PAFAH1B1: variants seen among roughly 807,000 people sequenced by gnomAD.
The protein encoded by PAFAH1B1 is platelet-activating factor acetylhydrolase IB subunit beta.
A neutral mutation model predicts 57.5 loss-of-function variants in PAFAH1B1; 2 were observed. That is an observed-to-expected ratio of 0.03 (90% CI 0.01 to 0.11). PAFAH1B1 has a LOEUF of 0.11. PAFAH1B1 is among the 10% of genes least tolerant of loss of function. The probability of loss-of-function intolerance (pLI) is 1.00; values close to 1 mark genes in which losing one functional copy is unlikely to be tolerated. For synonymous variants in PAFAH1B1, 152 were observed against 169.6 expected (o/e 0.90, Z 0.81); for missense variants, 257 against 512.0 (o/e 0.50, Z 4.81).
chr17:2,655,584 A>G (rs1159700928), intron 2 of PAFAH1B1, among the ~76,000 whole-genome samples: 1 of 152,204 alleles, frequency 6.6e-6, no homozygotes, highest in African/African-American at 2.4e-5. Flanking sequence ...CAGAGGTTGC[A>G]ATAAGCTGAG....
intron 1 of PAFAH1B1, among the ~76,000 whole-genome samples, chr17:2,602,956 T>C (rs1025737899): frequency 3.3e-5 from 5 of 152,190 alleles, no homozygotes; most frequent in African/African-American, 1.2e-4. Context: ...TTTCCTATAG[T>C]CCACATACTT....
chr17:2,668,569 C>T (rs1306966960), intron 5 of PAFAH1B1, among the ~76,000 whole-genome samples: 2 of 151,896 alleles, frequency 1.3e-5, no homozygotes, highest in East Asian at 1.9e-4. Flanking sequence ...GTCCTAGCTA[C>T]TCAGGAGGCT....
chr17:2,664,407 CTT>C (rs529716131), intron 2 of PAFAH1B1, among the ~76,000 whole-genome samples: 13 of 135,954 alleles, frequency 9.6e-5, no homozygotes, highest in Non-Finnish European at 9.6e-5. Context: ...CACACCTGGC[CTT>C]TTTTTTTTTT....
At chr17:2,597,329 A>G (rs1362707555) in intron 1 of PAFAH1B1, among the ~76,000 whole-genome samples, 1 of 151,688 alleles carries the variant, frequency 6.6e-6, no homozygotes, top group Non-Finnish European at 1.5e-5. Context: ...TCTAGTGTAA[A>G]GAGATTTTGA....
intron 2 of PAFAH1B1, among the ~76,000 whole-genome samples, chr17:2,652,736 G>GT (rs1416903109): frequency 2.0e-5 from 3 of 152,170 alleles, no homozygotes; most frequent in Admixed American, 6.6e-5. Context: ...CTAGGGCTTA[G>GT]TTTAAGATTG....
rs780652892 is a variant in PAFAH1B1, at chr17:2,609,069, C to CT, written c.-191+15064dup. 2.0e-5 allele frequency among the ~76,000 whole-genome samples: 3 copies of CT among 152,312 alleles called. No individual in the cohort carries two copies. The East Asian group carries it at 5.8e-4, about 29-fold the overall frequency. ...AAAAACTAGCTGTTTTACATAAAGTCTCTATTTTCTGGTTATCCTGAAAAA... is the reference window on the plus strand; with the variant it reads ...AAAAACTAGCTGTTTTACATAAAGTCTTCTATTTTCTGGTTATCCTGAAAAA... On this transcript the variant is annotated intron_variant, in intron 1 of 10. Transcript: ENST00000397195.
At chr17:2,665,683 C>T (rs182190218) in intron 3 of PAFAH1B1, among the ~76,000 whole-genome samples, 210 of 152,128 alleles carry the variant, frequency 1.4e-3, no homozygotes, top group Admixed American at 2.2e-3. Flanking sequence ...CTCACTGCAA[C>T]CTCTGCCTCC....
At chr17:2,647,003 G>T (rs2068777755) in intron 2 of PAFAH1B1, among the ~76,000 whole-genome samples, 1 of 152,088 alleles carries the variant, frequency 6.6e-6, no homozygotes, top group South Asian at 2.1e-4. Flanking sequence ...AGGCCGAGGT[G>T]GGTGGATCTC....
At chr17:2,607,071 G>A (rs1417342050) in intron 1 of PAFAH1B1, among the ~76,000 whole-genome samples, 9 of 152,186 alleles carry the variant, frequency 5.9e-5, no homozygotes, top group East Asian at 1.9e-4. Flanking sequence ...TGATCCACCC[G>A]CCTCGGCCTC....
intron 4 of PAFAH1B1, 66 bp downstream of exon 4, chr17:2,666,156 T>C (rs879706100): frequency 2.4e-6 from 3 of 1,238,274 alleles, no homozygotes; most frequent in Non-Finnish European, 3.3e-6. Flanking sequence ...AAAATAACAT[T>C]CTTCTGCATT....
At chr17:2,647,871 G>T (rs1306970441) in intron 2 of PAFAH1B1, among the ~76,000 whole-genome samples, 2 of 152,058 alleles carry the variant, frequency 1.3e-5, no homozygotes. Context: ...GGGCATGGTG[G>T]CGGGCGCCTT....
intron 10 of PAFAH1B1, chr17:2,680,789 G>T: frequency 4.4e-6 from 1 of 229,098 alleles, no homozygotes; most frequent in South Asian, 5.4e-5. Context: ...TATAATAAAT[G>T]CACTAAAGTA....
intron 1 of PAFAH1B1, among the ~76,000 whole-genome samples, chr17:2,612,354 C>A (rs2068276901): frequency 6.6e-6 from 1 of 151,912 alleles, no homozygotes; most frequent in Non-Finnish European, 1.5e-5. Context: ...CAGGCGCGCA[C>A]CACCACGCCT....
intron 2 of PAFAH1B1, among the ~76,000 whole-genome samples, chr17:2,649,043 A>G (rs1287108238): frequency 2.0e-5 from 3 of 151,866 alleles, no homozygotes; most frequent in Admixed American, 6.6e-5. Context: ...GGAATCAACA[A>G]TTACAATTAA....
At chr17:2,647,872 C>T (rs529821328) in intron 2 of PAFAH1B1, among the ~76,000 whole-genome samples, 2 of 151,892 alleles carry the variant, frequency 1.3e-5, no homozygotes, top group African/African-American at 2.4e-5. Flanking sequence ...GGCATGGTGG[C>T]GGGCGCCTTT....
intron 2 of PAFAH1B1, among the ~76,000 whole-genome samples, chr17:2,653,161 A>G (rs1304150774): frequency 6.6e-6 from 1 of 152,134 alleles, no homozygotes; most frequent in African/African-American, 2.4e-5. Flanking sequence ...TCAGCAAACT[A>G]TTGCAGGGAC....
intron 6 of PAFAH1B1, among the ~76,000 whole-genome samples, chr17:2,672,072 C>T (rs1295954164): frequency 1.3e-5 from 2 of 151,788 alleles, no homozygotes; most frequent in East Asian, 3.9e-4. Context: ...AGTTCGAGAC[C>T]AGTGTGAGCA....
At chr17:2,627,601 G>GA (rs767529160) in intron 1 of PAFAH1B1, among the ~76,000 whole-genome samples, 14 of 152,214 alleles carry the variant, frequency 9.2e-5, no homozygotes, top group Non-Finnish European at 1.8e-4. Context: ...ATAAATTTTA[G>GA]AATCATTTTT....
At chr17:2,680,077 GGTA>G in intron 9 of PAFAH1B1, 84 bp from the exon 10 acceptor site, 1 of 1,154,860 alleles carries the variant, frequency 8.7e-7, no homozygotes, top group Non-Finnish European at 1.3e-6. Flanking sequence ...TGATGTTTTT[GGTA>G]TGTATAGTTT....
Sources: allele counts gnomAD v4.1 joint callset (sites outside exome capture counted in the v4.1 genomes callset), GRCh38; gene constraint gnomAD v4.1.1; transcripts MANE v1.5; gene names NCBI Gene and HGNC (gene_info 2026-07-23, HGNC 2026-07-21).